Variants in HHIPL1 observed in about 807,000 individuals in gnomAD.
HHIPL1 encodes HHIP-like protein 1.
In HHIPL1, 43 loss-of-function variants were observed where a neutral mutation model predicts 61.8. The ratio of observed to expected loss-of-function variants is 0.70; its 90% CI spans 0.55 to 0.90. The LOEUF is 0.90. Ranked by LOEUF, HHIPL1 falls within the 40% of genes least tolerant of loss-of-function variation. The pLI is 0.00. For missense variants in HHIPL1, 1,056 were observed against 1,157.7 expected, an observed-to-expected ratio of 0.91 and a Z score of 1.28; for synonymous variants, 482 against 515.8, an observed-to-expected ratio of 0.93 and a Z score of 0.89.
the HHIPL1 span, among the ~76,000 whole-genome samples, chr14:99,619,585 T>G: frequency 5.8e-4 from 88 of 152,156 alleles, no homozygotes; most frequent in African/African-American, 1.9e-3. Flanking sequence ...CAGGGTCCCC[T>G]ACCTAGAGAT....
At position 99,675,724 on chromosome 14, in the gene HHIPL1, G is replaced by C; in HGVS notation, c.*98G>C. The C allele has an allele frequency of 8.1e-7, 1 of 1,236,630 alleles. No individual in the cohort carries two copies. The highest frequency in any genetic ancestry group is 1.1e-6 in the Non-Finnish European group (1 of 919,802). 76.6% of individuals were successfully genotyped at this position (1,236,630 alleles called of 1,614,324 possible). On this transcript the variant is annotated 3_prime_UTR_variant, in exon 9 of 9. Transcript: ENST00000330710. This position sits in a 1 kb window ranked among gnomAD's most constrained non-coding sequence, Gnocchi z 5.4. ...CCAGCGGGTGCACACGTGTTCTAGA[G>C]TGAAGGGGGTGCGGGTGTGTGCTGT...
the HHIPL1 span, among the ~76,000 whole-genome samples, chr14:99,606,527 C>A: frequency 1.3e-5 from 2 of 152,236 alleles, no homozygotes; most frequent in African/African-American, 4.8e-5. Flanking sequence ...TTGTGAGAAC[C>A]CCCTCCCCGT....
chr14:99,639,867 G>A, the HHIPL1 span, among the ~76,000 whole-genome samples: 2 of 151,922 alleles, frequency 1.3e-5, no homozygotes, highest in African/African-American at 2.4e-5. Context: ...TCACCATATT[G>A]GCCAGGCTGG....
At chr14:99,641,653 A>T (rs988871767), upstream of HHIPL1, among the ~76,000 whole-genome samples, 1 of 151,916 alleles carries the variant, frequency 6.6e-6, no homozygotes, top group Non-Finnish European at 1.5e-5. Flanking sequence ...ACCTCAGGTG[A>T]TCCACCTGCC....
the HHIPL1 span, among the ~76,000 whole-genome samples, chr14:99,609,355 C>T: frequency 6.6e-6 from 1 of 152,182 alleles, no homozygotes; most frequent in Non-Finnish European, 1.5e-5. Flanking sequence ...CGCTTCCTTT[C>T]CCATCCTCTG....
the HHIPL1 span, among the ~76,000 whole-genome samples, chr14:99,623,687 T>C: frequency 6.6e-6 from 1 of 152,074 alleles, no homozygotes; most frequent in African/African-American, 2.4e-5. Context: ...GTGCTGGGAT[T>C]ACAGGTGTGA....
chr14:99,640,398 C>T (rs554144196), upstream of HHIPL1, among the ~76,000 whole-genome samples: 487 of 152,290 alleles, frequency 3.2e-3, 6 homozygotes, highest in Middle Eastern at 0.017. Context: ...AATCCTCCTA[C>T]CTCAGCCTCC....
intron 6 of HHIPL1, among the ~76,000 whole-genome samples, chr14:99,665,729 T>C (rs1376306450): frequency 6.6e-6 from 1 of 152,210 alleles, no homozygotes; most frequent in African/African-American, 2.4e-5. Context: ...CCACCATATC[T>C]GACCCAGATA....
At chr14:99,609,578 G>A in the HHIPL1 span, among the ~76,000 whole-genome samples, 7 of 152,228 alleles carry the variant, frequency 4.6e-5, no homozygotes, top group Admixed American at 1.3e-4. Context: ...ACAGAGTTCC[G>A]AGGTCATGTG....
the HHIPL1 span, among the ~76,000 whole-genome samples, chr14:99,611,121 A>G: frequency 2.0e-5 from 3 of 152,126 alleles, no homozygotes; most frequent in Admixed American, 6.5e-5. Context: ...TCTCCTGTTG[A>G]AGACATTTGT....
rs753913191 is a variant in HHIPL1, at chr14:99,652,271, C to G, written c.303C>G (p.Phe101Leu). 9 of 1,613,558 alleles carry G rather than the reference C, an allele frequency of 5.6e-6. No homozygotes were observed. In the East Asian group the frequency reaches 1.8e-4, roughly 32 times the overall value. ...ACCTCTATGACGCCGAGGACCCATTCACGCCCCTGCGCACGGTGCCCGGGC... is the reference window on the plus strand; with the variant it reads ...ACCTCTATGACGCCGAGGACCCATTGACGCCCCTGCGCACGGTGCCCGGGC... ...AAHLYDAEDP[F>L]TPLRTVPGLC... The change falls in exon 2 of 9, where the codon TTC becomes TTG. Residue 101 changes from phenylalanine to leucine, a missense_variant. Physicochemically the swap from Phe to Leu is conservative, Grantham distance 22. Transcript: ENST00000330710.
chr14:99,629,470 G>C, the HHIPL1 span, among the ~76,000 whole-genome samples: 2 of 152,020 alleles, frequency 1.3e-5, no homozygotes, highest in Non-Finnish European at 2.9e-5. Context: ...CACAGGGTAG[G>C]AGGGACCCGT....
Position 99,675,408 on chromosome 14 carries a change from G to A in HHIPL1, c.2131G>A (p.Val711Ile), listed in dbSNP as rs2056377939. 2 of 1,529,470 alleles carry A rather than the reference G, an allele frequency of 1.3e-6. No individual in the cohort carries two copies. The highest frequency in any genetic ancestry group is 1.2e-5 in the South Asian group (1 of 83,276). The allele number at this position is 1,529,470 out of a possible 1,614,324, so 94.7% of individuals were successfully genotyped here. A position where few individuals can be genotyped will look rare whatever the true frequency, so the allele number is the denominator to read the frequency against. ...DDSWNISGAAVVCRQLGFAYA... is the reference protein window; with the variant it reads ...DDSWNISGAAIVCRQLGFAYA... ...CTCCTGGAACATCAGCGGCGCCGCCGTCGTGTGTCGCCAGCTGGGGTTTGC... is the reference window on the plus strand; with the variant it reads ...CTCCTGGAACATCAGCGGCGCCGCCATCGTGTGTCGCCAGCTGGGGTTTGC... Residue 711 changes from valine to isoleucine, a missense_variant, in exon 9 of 9, where the codon GTC becomes ATC. Coordinates refer to ENST00000330710, the MANE Select transcript of HHIPL1 (RefSeq NM_001127258.3). The surrounding 1 kb of genome is among the most constrained non-coding windows in gnomAD (Gnocchi z 5.4).
At chr14:99,669,358 C>T (rs1463675676) in intron 7 of HHIPL1, 1 of 1,000,148 alleles carries the variant, frequency 1.0e-6, no homozygotes, top group Non-Finnish European at 1.2e-6. Flanking sequence ...TGGGTACGGA[C>T]ACAGCTTGTA....
chr14:99,645,571 G>A, intron 1 of HHIPL1, 109 bp downstream of exon 1: 6 of 1,146,660 alleles, frequency 5.2e-6, no homozygotes, highest in Non-Finnish European at 6.6e-6. Context: ...GCGGACTCGG[G>A]AACTCTAAGC....
At chr14:99,622,416 C>T in the HHIPL1 span, among the ~76,000 whole-genome samples, 1 of 152,212 alleles carries the variant, frequency 6.6e-6, no homozygotes, top group Non-Finnish European at 1.5e-5. Context: ...CAATTTCCAT[C>T]CTGCCCAAAT....
chr14:99,612,844 C>T, the HHIPL1 span, among the ~76,000 whole-genome samples: 4 of 152,160 alleles, frequency 2.6e-5, no homozygotes, highest in African/African-American at 9.7e-5. Context: ...AGCCTCTGGA[C>T]GGCTCACGTC....
intron 6 of HHIPL1, among the ~76,000 whole-genome samples, chr14:99,667,061 T>C (rs11844169): frequency 0.63 from 96,040 of 152,110 alleles, 30,503 homozygotes; most frequent in African/African-American, 0.69. Flanking sequence ...CCAAGCTGTC[T>C]GTCTCAGCCT....
At chr14:99,650,931 A>C (rs1440540486) in intron 1 of HHIPL1, among the ~76,000 whole-genome samples, 2 of 152,184 alleles carry the variant, frequency 1.3e-5, no homozygotes, top group Non-Finnish European at 2.9e-5. Context: ...GGGAGTATGT[A>C]TTAGTCTCTT....
Sources: gnomAD v4.1 joint callset for allele counts (sites outside exome capture counted in the v4.1 genomes callset) on GRCh38, gnomAD v4.1.1 for gene constraint, Gnocchi (gnomAD v3.1) non-coding constraint, MANE v1.5 for transcripts, NCBI Gene and HGNC (gene_info 2026-07-23, HGNC 2026-07-21) for gene names.